The following KIF26B variants were observed in gnomAD, a reference collection of about 807,000 sequenced individuals.
The protein encoded by KIF26B is kinesin-like protein KIF26B.
A neutral mutation model predicts 151.2 loss-of-function variants in KIF26B; 63 were observed. The observed-to-expected ratio is 0.42, with a 90% CI of 0.34 to 0.51. The LOEUF (loss-of-function observed/expected upper bound fraction) is 0.51, where lower values mean the gene tolerates loss of function less well. KIF26B is among the 20% of genes least tolerant of loss of function. The probability of loss-of-function intolerance (pLI) is 0.07; values close to 1 mark genes in which losing one functional copy is unlikely to be tolerated. For missense variants in KIF26B, 2,813 were observed against 2,913.6 expected, an observed-to-expected ratio of 0.97 and a Z score of 0.79; for synonymous variants, 1,357 against 1,262.1, an observed-to-expected ratio of 1.08 and a Z score of -1.59.
intron 2 of KIF26B, among the ~76,000 whole-genome samples, chr1:245,268,040 C>T (rs960178823): frequency 2.6e-5 from 4 of 152,116 alleles, no homozygotes; most frequent in African/African-American, 9.7e-5. Flanking sequence ...GGCACAGTGC[C>T]TCATGCCTAT....
chr1:245,178,695 T>G (rs6701995), intron 2 of KIF26B, among the ~76,000 whole-genome samples: 31,589 of 152,154 alleles, frequency 0.21, 4,437 homozygotes, highest in East Asian at 0.41. Context: ...CCCCCTTTCT[T>G]GCTCCTTTTC....
chr1:245,371,155 G>A lies in KIF26B; in HGVS notation c.999+3788G>A, dbSNP rs115391262. Among the ~76,000 whole-genome samples, 1,355 of 152,284 alleles carry A rather than the reference G, an allele frequency of 8.9e-3. 18 individuals carry two copies. The highest frequency in any genetic ancestry group is 0.031 in the African/African-American group (1,288 of 41,546). ...AATTCATGCATTTCCCCTCAGTAAT[G>A]AAGGGACCAGAGGAAATCTCTCTGG... On this transcript the variant is annotated intron_variant, in intron 3 of 14. Coordinates refer to ENST00000407071, the MANE Select transcript of KIF26B (RefSeq NM_018012.4).
At chr1:245,266,272 A>C (rs962712260) in intron 2 of KIF26B, among the ~76,000 whole-genome samples, 4 of 152,202 alleles carry the variant, frequency 2.6e-5, no homozygotes, top group African/African-American at 9.6e-5. Context: ...AGACTGGTGA[A>C]AATATGAGTC....
chr1:245,199,309 C>T (rs1018658058), intron 2 of KIF26B, among the ~76,000 whole-genome samples: 14 of 152,062 alleles, frequency 9.2e-5, no homozygotes, highest in Non-Finnish European at 1.8e-4. Context: ...TACTCCCCTC[C>T]CTCCTCCCTC....
intron 3 of KIF26B, among the ~76,000 whole-genome samples, chr1:245,392,649 C>G (rs1462771155): frequency 6.6e-6 from 1 of 152,110 alleles, no homozygotes; most frequent in African/African-American, 2.4e-5. Flanking sequence ...CTGCCCGTTC[C>G]TCTCCTGAAG....
intron 3 of KIF26B, among the ~76,000 whole-genome samples, chr1:245,392,589 C>CT (rs1045155329): frequency 1.5e-4 from 23 of 152,118 alleles, no homozygotes; most frequent in African/African-American, 5.3e-4. Flanking sequence ...GTTGAAAAGT[C>CT]TGAATCTGGA....
At chr1:245,534,573 A>G (rs1020608070) in intron 4 of KIF26B, among the ~76,000 whole-genome samples, 1 of 152,160 alleles carries the variant, frequency 6.6e-6, no homozygotes, top group Admixed American at 6.6e-5. Context: ...ATGTTTAAAG[A>G]TGTATGCTGG....
At chr1:245,607,276 AG>A (rs1204388689) in intron 6 of KIF26B, among the ~76,000 whole-genome samples, 1 of 152,032 alleles carries the variant, frequency 6.6e-6, no homozygotes, top group Non-Finnish European at 1.5e-5. Context: ...GTGTCAGCAG[AG>A]GGTGAGTGGA....
chr1:245,364,503 C>A (rs1672897635), intron 2 of KIF26B, among the ~76,000 whole-genome samples: 2 of 149,062 alleles, frequency 1.3e-5, no homozygotes, highest in Admixed American at 6.7e-5. Flanking sequence ...CTTGGCTCAC[C>A]TCTGCCTCCC....
intron 10 of KIF26B, among the ~76,000 whole-genome samples, chr1:245,663,987 CTT>C (rs2044185204): frequency 6.6e-6 from 1 of 152,164 alleles, no homozygotes; most frequent in Non-Finnish European, 1.5e-5. Context: ...GCTTATTTAT[CTT>C]GAGTTCCCAA....
At chr1:245,219,733 C>T (rs1177910074) in intron 2 of KIF26B, among the ~76,000 whole-genome samples, 4 of 152,002 alleles carry the variant, frequency 2.6e-5, no homozygotes, top group Non-Finnish European at 5.9e-5. Flanking sequence ...GATCCTGTCC[C>T]CTCCACCCCA....
At chr1:245,277,316 T>A (rs1670957342) in intron 2 of KIF26B, among the ~76,000 whole-genome samples, 1 of 152,224 alleles carries the variant, frequency 6.6e-6, no homozygotes, top group African/African-American at 2.4e-5. Flanking sequence ...ATTTTAGACC[T>A]TTATTGGTCA....
chr1:245,230,122 G>T (rs1669963502), intron 2 of KIF26B, among the ~76,000 whole-genome samples: 1 of 132,202 alleles, frequency 7.6e-6, no homozygotes, highest in Admixed American at 8.3e-5. Context: ...GATAGAGCGA[G>T]ACTCCATCTA....
At chr1:245,424,642 T>A (rs1279684395) in intron 4 of KIF26B, among the ~76,000 whole-genome samples, 2 of 152,228 alleles carry the variant, frequency 1.3e-5, no homozygotes, top group Non-Finnish European at 2.9e-5. Flanking sequence ...CACACACGGT[T>A]ACTGGTCTGT....
chr1:245,199,838 TCCATCCAC>T (rs61542469), intron 2 of KIF26B, among the ~76,000 whole-genome samples: 26,687 of 78,952 alleles, frequency 0.34, 2,546 homozygotes, highest in Middle Eastern at 0.39. Context: ...CATCCATCCA[TCCATCCAC>T]CCATCCACTT....
chr1:245,242,260 A>G (rs1670222271), intron 2 of KIF26B, among the ~76,000 whole-genome samples: 1 of 152,174 alleles, frequency 6.6e-6, no homozygotes, highest in African/African-American at 2.4e-5. Context: ...AACATATTGA[A>G]TGTCCGGCAT....
chr1:245,434,962 T>C (rs767528187), intron 4 of KIF26B, among the ~76,000 whole-genome samples: 140 of 151,430 alleles, frequency 9.2e-4, no homozygotes, highest in Non-Finnish European at 1.8e-3. Flanking sequence ...ATTGGAAGTA[T>C]ATGCTCTTTT....
At chr1:245,172,735 A>G (rs1165104365) in intron 2 of KIF26B, among the ~76,000 whole-genome samples, 1 of 152,142 alleles carries the variant, frequency 6.6e-6, no homozygotes. Flanking sequence ...GCTTGAACCC[A>G]GGAGGCGGAG....
At chr1:245,643,855 T>G (rs2043918362) in intron 9 of KIF26B, among the ~76,000 whole-genome samples, 1 of 152,246 alleles carries the variant, frequency 6.6e-6, no homozygotes, top group Admixed American at 6.5e-5. Context: ...ATGAGAAATC[T>G]GCCGTCATCC....
Sources: allele counts gnomAD v4.1 joint callset (sites outside exome capture counted in the v4.1 genomes callset), GRCh38; gene constraint gnomAD v4.1.1; transcripts MANE v1.5; gene names NCBI Gene and HGNC (gene_info 2026-07-23, HGNC 2026-07-21).